CADPS: variants seen among roughly 807,000 people sequenced by gnomAD.
CADPS encodes the protein calcium dependent secretion activator.
A neutral mutation model predicts 167.3 loss-of-function variants in CADPS; 57 were observed. That is an observed-to-expected ratio of 0.34 (90% CI 0.28 to 0.42). The LOEUF is 0.42. Ranked by LOEUF, CADPS falls within the 20% of genes least tolerant of loss-of-function variation. CADPS has a pLI of 1.00. For missense variants in CADPS, 1,414 were observed against 1,738.1 expected (o/e 0.81, Z 3.32); for synonymous variants, 676 against 635.3 (o/e 1.06, Z -0.96).
intron 28 of CADPS, among the ~76,000 whole-genome samples, chr3:62,428,156 A>T (rs916133788): frequency 1.3e-5 from 2 of 152,216 alleles, no homozygotes; most frequent in African/African-American, 4.8e-5. Context: ...ACTCAGCAGG[A>T]GTTTAACAGA....
chr3:62,801,962 T>C (rs1353506578), intron 1 of CADPS, among the ~76,000 whole-genome samples: 4 of 152,204 alleles, frequency 2.6e-5, no homozygotes, highest in Admixed American at 6.5e-5. Context: ...CATCACTCTT[T>C]GTTTTAGCAC....
rs749072214 is a variant in CADPS, at chr3:62,514,596, G to T, written c.2581+1463C>A. Among the ~76,000 whole-genome samples the T allele has an allele frequency of 6.6e-6, 1 of 152,136 alleles. No individual in the cohort carries two copies. The highest frequency in any genetic ancestry group is 1.5e-5 in the Non-Finnish European group (1 of 68,000). ...AGACCAGCTGATCTACTTTGGAAAT[G>T]AATGCATTTTTACTTACAGATCTTA... is the stretch of plus-strand genomic sequence containing the variant. On this transcript the variant is annotated intron_variant, in intron 16 of 29. Coordinates refer to ENST00000383710, the MANE Select transcript of CADPS (RefSeq NM_003716.4). This position sits in a 1 kb window ranked among gnomAD's most constrained non-coding sequence, Gnocchi z 4.2.
At chr3:62,846,641 T>C (rs914434963) in intron 1 of CADPS, among the ~76,000 whole-genome samples, 8 of 152,094 alleles carry the variant, frequency 5.3e-5, no homozygotes, top group Admixed American at 3.9e-4. Context: ...TTGGGTCTTT[T>C]TTTGTTTGTT....
intron 28 of CADPS, among the ~76,000 whole-genome samples, chr3:62,427,306 G>C (rs1186458458): frequency 6.6e-6 from 1 of 152,108 alleles, no homozygotes; most frequent in East Asian, 1.9e-4. Context: ...GGATTTCTGA[G>C]ACGAGTTCCC....
chr3:62,817,180 G>GATAACAGA (rs1335871705), intron 1 of CADPS, among the ~76,000 whole-genome samples: 44 of 151,828 alleles, frequency 2.9e-4, no homozygotes, highest in African/African-American at 1.0e-3. Flanking sequence ...TAAACATCAC[G>GATAACAGA]ATAACAGAAT....
chr3:62,499,759 G>T (rs1300371211), intron 17 of CADPS: 1 of 153,644 alleles, frequency 6.5e-6, no homozygotes, highest in East Asian at 1.9e-4. Flanking sequence ...AGATTCAAAT[G>T]TCTGCTTCAA....
chr3:62,700,057 G>T (rs1053016283), intron 3 of CADPS, among the ~76,000 whole-genome samples: 1 of 151,932 alleles, frequency 6.6e-6, no homozygotes, highest in Admixed American at 6.6e-5. Context: ...GAACTCTATG[G>T]GTCCTCTATC....
At chr3:62,860,500 C>A (rs374730939) in intron 1 of CADPS, among the ~76,000 whole-genome samples, 1 of 152,164 alleles carries the variant, frequency 6.6e-6, no homozygotes, top group Admixed American at 6.5e-5. Flanking sequence ...CCTGTGGAAC[C>A]TGCATAGGAA....
chr3:62,621,341 C>A (rs1181396657), intron 6 of CADPS, among the ~76,000 whole-genome samples: 1 of 152,000 alleles, frequency 6.6e-6, no homozygotes, highest in Non-Finnish European at 1.5e-5. Flanking sequence ...TGTGGCAGAT[C>A]AGAACATCCA....
chr3:62,565,827 A>C (rs1451798680), intron 9 of CADPS, among the ~76,000 whole-genome samples: 2 of 152,208 alleles, frequency 1.3e-5, no homozygotes, highest in Non-Finnish European at 2.9e-5. Flanking sequence ...ATAGTCTAAA[A>C]TTTGGTTCCC....
intron 9 of CADPS, among the ~76,000 whole-genome samples, chr3:62,565,717 T>C (rs2080032740): frequency 6.6e-6 from 1 of 152,212 alleles, no homozygotes; most frequent in African/African-American, 2.4e-5. Flanking sequence ...GCCACATCTA[T>C]AGTAATTTTA....
intron 3 of CADPS, among the ~76,000 whole-genome samples, chr3:62,705,593 G>A (rs1209525396): frequency 1.3e-5 from 2 of 152,058 alleles, no homozygotes; most frequent in Non-Finnish European, 2.9e-5. Flanking sequence ...ATAAAAGCAG[G>A]CAGAAGAACA....
chr3:62,515,904 C>T (rs1215555858), intron 16 of CADPS, among the ~76,000 whole-genome samples, 155 bp downstream of exon 16: 2 of 152,056 alleles, frequency 1.3e-5, no homozygotes, highest in African/African-American at 4.8e-5. Context: ...TTGGCCACAG[C>T]CAAGGAAACT....
chr3:62,795,822 G>A (rs1011094054), intron 1 of CADPS, among the ~76,000 whole-genome samples: 4 of 152,158 alleles, frequency 2.6e-5, no homozygotes, highest in Non-Finnish European at 4.4e-5. Flanking sequence ...AAGGCCTCCT[G>A]CAAGACATGA....
intron 3 of CADPS, among the ~76,000 whole-genome samples, chr3:62,680,793 T>C (rs2077041292): frequency 6.6e-6 from 1 of 152,038 alleles, no homozygotes; most frequent in Non-Finnish European, 1.5e-5. Flanking sequence ...TACAAAACTA[T>C]GAAACCAAGA....
At chr3:62,859,087 C>T (rs2080257094) in intron 1 of CADPS, among the ~76,000 whole-genome samples, 1 of 152,054 alleles carries the variant, frequency 6.6e-6, no homozygotes, top group African/African-American at 2.4e-5. Flanking sequence ...GACAGAAATG[C>T]ACAGAGTTCT....
At chr3:62,416,443 C>T (rs1314707383) in intron 28 of CADPS, among the ~76,000 whole-genome samples, 2 of 152,130 alleles carry the variant, frequency 1.3e-5, no homozygotes, top group African/African-American at 4.8e-5. Flanking sequence ...TAAACGGTGA[C>T]ATATACTTGG....
rs1415395927 is a variant in CADPS, at chr3:62,670,625, A to T, written c.889-8231T>A. On this transcript the variant is annotated intron_variant, in intron 3 of 29. Coordinates refer to ENST00000383710, the MANE Select transcript of CADPS (RefSeq NM_003716.4). ...TTGCTGGCTTCTGGCAATGCAGTAA[A>T]TATAACCCAAGAGCTCCAAATGCAG... Among the ~76,000 whole-genome samples the T allele has an allele frequency of 2.6e-5, 4 of 152,106 alleles. No homozygotes were observed. In the East Asian group the frequency reaches 7.7e-4, roughly 29 times the overall value.
intron 1 of CADPS, among the ~76,000 whole-genome samples, chr3:62,836,018 G>C (rs542266925): frequency 5.9e-5 from 9 of 152,052 alleles, no homozygotes; most frequent in Non-Finnish European, 1.2e-4. Flanking sequence ...GAGATGTATT[G>C]ATCAAATGAC....
Sources: gnomAD v4.1 joint callset for allele counts (sites outside exome capture counted in the v4.1 genomes callset) on GRCh38, gnomAD v4.1.1 for gene constraint, Gnocchi (gnomAD v3.1) non-coding constraint, MANE v1.5 for transcripts, NCBI Gene and HGNC (gene_info 2026-07-23, HGNC 2026-07-21) for gene names.